HSD17B1: variants seen among roughly 807,000 people sequenced by gnomAD.
HSD17B1 encodes 17-beta-hydroxysteroid dehydrogenase type 1.
Under a neutral mutation model 22.7 loss-of-function variants are expected in HSD17B1, and 16 were observed. That is an observed-to-expected ratio of 0.71 (90% CI 0.48 to 1.07). The LOEUF is 1.07. HSD17B1 is among the 50% of genes least tolerant of loss of function. HSD17B1 has a pLI of 0.00. For synonymous variants in HSD17B1, 243 were observed against 211.0 expected (o/e 1.15, Z -1.31); for missense variants, 533 against 459.9 (o/e 1.16, Z -1.45).
chr17:42,554,699 C>G lies in HSD17B1; in HGVS notation c.748C>G (p.Pro250Ala). ...VFLTALRAPK[P>A]TLRYFTTERF... ...CCTCACCGCTTTGCGCGCCCCGAAG[C>G]CGACCCTGCGCTACTTCACCACCGA... The change falls in exon 6 of 6, where the codon CCG becomes GCG. Residue 250 changes from proline (P) to alanine (A), a missense_variant. Pro to Ala is a conservative substitution (Grantham distance 27). Transcript: ENST00000585807. The G allele has an allele frequency of 6.2e-7, 1 of 1,603,680 alleles. No individual in the cohort carries two copies. Among genetic ancestry groups the G allele is most frequent in the Non-Finnish European group, 8.5e-7 (1 of 1,179,626 alleles).
intron 4 of HSD17B1, chr17:42,554,167 A>G: frequency 1.5e-6 from 1 of 674,768 alleles, no homozygotes; most frequent in Non-Finnish European, 2.5e-6. Flanking sequence ...CTAGATTCGA[A>G]TCCTGACACC....
rs150450030 is a variant in HSD17B1, at chr17:42,553,582, C to T, written c.409C>T (p.Arg137Cys). ...LPDMKRRGSG[R>C]VLVTGSVGGL... is the part of the protein sequence containing the mutation. ...AGACATGAAGAGGCGCGGTTCGGGA[C>T]GCGTGTTGGTGACCGGGAGCGTGGG... The change falls in exon 3 of 6, where the codon CGC becomes TGC. Residue 137 changes from arginine (R) to cysteine (C), a missense_variant. Arg to Cys is a radical substitution (Grantham distance 180). Coordinates refer to ENST00000585807, the MANE Select transcript of HSD17B1 (RefSeq NM_000413.4). The T allele has an allele frequency of 1.2e-5, 19 of 1,611,690 alleles. No homozygotes were observed. In the African/African-American group the frequency reaches 2.0e-4, roughly 17 times the overall value.
chr17:42,554,813 G>A lies in HSD17B1; in HGVS notation c.862G>A (p.Val288Ile). Residue 288 changes from valine (V) to isoleucine (I), a missense_variant, in exon 6 of 6, where the codon GTT (valine) becomes ATT (isoleucine). Physicochemically the swap from Val to Ile is conservative, Grantham distance 29. Transcript: ENST00000585807. ...TAMHREVFGD[V>I]PAKAEAGAEA... ...CATGCACCGGGAAGTGTTCGGCGACGTTCCGGCAAAGGCCGAGGCTGGGGC... is the reference window on the plus strand; with the variant it reads ...CATGCACCGGGAAGTGTTCGGCGACATTCCGGCAAAGGCCGAGGCTGGGGC... 6.2e-7 allele frequency: 1 copy of A among 1,601,108 alleles called. No individual in the cohort carries two copies. Among genetic ancestry groups the A allele is most frequent in the Non-Finnish European group, 8.5e-7 (1 of 1,179,592 alleles).
In HSD17B1 at chr17:42,553,515, G is replaced by A. The variant is rs746549659; in HGVS notation, c.342G>A (p.Val114=). Residue 114 remains valine, a synonymous_variant, in exon 3 of 6, where the codon GTG becomes GTA. Transcript: ENST00000585807. Reference sequence around the variant, plus strand: ...ACGCCGTGGCCTCTGTGCTGGACGTGAATGTAGTAGGGACTGTGCGGATGC... The same window carrying A: ...ACGCCGTGGCCTCTGTGCTGGACGTAAATGTAGTAGGGACTGTGCGGATGC... The part of the protein sequence containing the change: ...GEDAVASVLD[V]NVVGTVRMLQ... 3.2e-5 allele frequency: 52 copies of A among 1,613,942 alleles called. No homozygotes were observed. The highest frequency in any genetic ancestry group is 1.6e-4 in the Middle Eastern group (1 of 6,066).
At chr17:42,553,418 T>C in intron 2 of HSD17B1, 21 bp from the exon 3 acceptor site, 1 of 1,610,114 alleles carries the variant, frequency 6.2e-7, no homozygotes, top group South Asian at 1.1e-5. Flanking sequence ...GGCGGGCTGG[T>C]CGGGCCTCTT....
At chr17:42,553,725 A>AG in intron 3 of HSD17B1, 69 bp from the exon 4 acceptor site, 1 of 1,594,102 alleles carries the variant, frequency 6.3e-7, no homozygotes, top group South Asian at 1.1e-5. Flanking sequence ...GTCAGCTTGG[A>AG]GGGGCACCGT....
In HSD17B1 at chr17:42,553,284, C is replaced by T. The variant is rs762229140; in HGVS notation, c.258C>T (p.Asp86=). The change falls in exon 2 of 6, where the codon GAC becomes GAT. Residue 86 remains aspartate (D), a synonymous_variant. Coordinates refer to ENST00000585807, the MANE Select transcript of HSD17B1 (RefSeq NM_000413.4). ...ARERVTEGRV[D]VLVCNAGLGL... ...AACGCGTGACTGAGGGCCGCGTGGA[C>T]GTGCTGGGTGAGCCTCCTGGAAGCA... The T allele has an allele frequency of 5.5e-5, 89 of 1,608,086 alleles. 1 individual carries two copies. Among genetic ancestry groups the T allele is most frequent in the Admixed American group, 1.5e-4 (9 of 60,022 alleles).
chr17:42,554,411 C>G lies in HSD17B1; in HGVS notation c.546C>G (p.Ser182Arg). The change falls in exon 5 of 6, where the codon AGC (serine) becomes AGG (arginine). Residue 182 changes from serine (S) to arginine (R), a missense_variant. Transcript: ENST00000585807. ...VLLLPFGVHL[S>R]LIECGPVHTA... ...GTTGCTCTCCGGCCAGCAGCTTGAG[C>G]CTGATCGAGTGCGGCCCAGTGCACA... The G allele has an allele frequency of 1.2e-6, 2 of 1,605,976 alleles. No individual in the cohort carries two copies. Among genetic ancestry groups the G allele is most frequent in the Non-Finnish European group, 1.7e-6 (2 of 1,175,210 alleles).
rs1223161004 is a variant in HSD17B1 at position 42,553,215 on chromosome 17, G to A, written c.189G>A (p.Leu63=). The A allele has an allele frequency of 4.3e-6, 7 of 1,613,614 alleles. No homozygotes were observed. The Admixed American group carries it at 5.0e-5, about 12-fold the overall frequency. ...GCCCTCCGGGATCCCTGGAGACGTTGCAGCTGGACGTAAGGGACTCAAAAT... is the reference window on the plus strand; with the variant it reads ...GCCCTCCGGGATCCCTGGAGACGTTACAGCTGGACGTAAGGGACTCAAAAT... ...LACPPGSLET[L]QLDVRDSKSV... is the part of the protein sequence containing the mutation. Residue 63 remains leucine (L), a synonymous_variant, in exon 2 of 6, where the codon TTG becomes TTA. Coordinates refer to ENST00000585807, the MANE Select transcript of HSD17B1 (RefSeq NM_000413.4).
Position 42,553,106 on chromosome 17 carries a change from C to T in HSD17B1, c.98-18C>T, listed in dbSNP as rs1326074312. ...CCAGAAGGGAAGTCAGATCTTCCTC[C>T]TCTCCCAAAACCTCCAGTGTATGCC... On this transcript the variant is annotated intron_variant, in intron 1 of 5. Coordinates refer to ENST00000585807, the MANE Select transcript of HSD17B1 (RefSeq NM_000413.4). 2 of 1,613,982 alleles carry T rather than the reference C, an allele frequency of 1.2e-6. No individual in the cohort carries two copies. The highest frequency in any genetic ancestry group is 1.7e-6 in the Non-Finnish European group (2 of 1,180,012).
chr17:42,553,506 G>C lies in HSD17B1; in HGVS notation c.333G>C (p.Val111=). ...TGGGGGAGGACGCCGTGGCCTCTGT[G>C]CTGGACGTGAATGTAGTAGGGACTG... is the stretch of plus-strand genomic sequence containing the variant. ...EALGEDAVAS[V]LDVNVVGTVR... is the part of the protein sequence containing the mutation. Residue 111 remains valine, a synonymous_variant, in exon 3 of 6, where the codon GTG becomes GTC. Coordinates refer to ENST00000585807, the MANE Select transcript of HSD17B1 (RefSeq NM_000413.4). 6.2e-7 allele frequency: 1 copy of C among 1,613,994 alleles called. No homozygotes were observed. Among genetic ancestry groups the C allele is most frequent in the Admixed American group, 1.7e-5 (1 of 60,026 alleles).
rs1490386093 is a variant in HSD17B1 at position 42,552,951 on chromosome 17, G to T, written c.18G>T (p.Val6=). The change falls in exon 1 of 6, where the codon GTG becomes GTT. Residue 6 remains valine (V), a synonymous_variant. Transcript: ENST00000585807. ...GTCTCACCATGGCCCGCACCGTGGTGCTCATCACCGGCTGTTCCTCGGGCA... is the reference window on the plus strand; with the variant it reads ...GTCTCACCATGGCCCGCACCGTGGTTCTCATCACCGGCTGTTCCTCGGGCA... MARTV[V]LITGCSSGIG... is the part of the protein sequence containing the mutation. 1 of 1,614,116 alleles carries T rather than the reference G, an allele frequency of 6.2e-7. No individual in the cohort carries two copies. The highest frequency in any genetic ancestry group is 1.1e-5 in the South Asian group (1 of 91,082).
rs371869021 is a variant in HSD17B1, at chr17:42,553,435, G to A, written c.266-4G>A. On this transcript the variant is annotated splice_polypyrimidine_tract_variant and splice_region_variant and intron_variant, in intron 2 of 5. Coordinates refer to ENST00000585807, the MANE Select transcript of HSD17B1 (RefSeq NM_000413.4). ...CGGGCTGGTCGGGCCTCTTGTCTCC[G>A]CAGTGTGTAACGCAGGCCTGGGCCT... 134 of 1,611,784 alleles carry A rather than the reference G, an allele frequency of 8.3e-5. 1 individual carries two copies. Among genetic ancestry groups the A allele is most frequent in the Non-Finnish European group, 1.1e-4 (129 of 1,179,824 alleles).
chr17:42,554,958 C>T lies in HSD17B1; in HGVS notation c.*20C>T, dbSNP rs1325816626. On this transcript the variant is annotated 3_prime_UTR_variant, in exon 6 of 6. Coordinates refer to ENST00000585807, the MANE Select transcript of HSD17B1 (RefSeq NM_000413.4). The stretch of plus-strand genomic sequence containing the variant: ...CAGTAAAGGCTTCCTCAGCCGCTGT[C>T]TCCCGCGCCCTTCTTTGTCCCCTGG... 3 of 1,446,052 alleles carry T rather than the reference C, an allele frequency of 2.1e-6. No homozygotes were observed. The highest frequency in any genetic ancestry group is 2.7e-5 in the Admixed American group (1 of 36,862). The allele number at this position is 1,446,052 out of a possible 1,614,324, so 89.6% of individuals were successfully genotyped here. A position where few individuals can be genotyped will look rare whatever the true frequency, so the allele number is the denominator to read the frequency against.
In HSD17B1 at chr17:42,552,954, C is replaced by G; in HGVS notation, c.21C>G (p.Leu7=). The part of the protein sequence containing the change: MARTVV[L]ITGCSSGIGL... The stretch of plus-strand genomic sequence containing the variant: ...TCACCATGGCCCGCACCGTGGTGCT[C>G]ATCACCGGCTGTTCCTCGGGCATCG... The change falls in exon 1 of 6, where the codon CTC becomes CTG. Residue 7 remains leucine, a synonymous_variant. Coordinates refer to ENST00000585807, the MANE Select transcript of HSD17B1 (RefSeq NM_000413.4). 1 of 1,614,122 alleles carries G rather than the reference C, an allele frequency of 6.2e-7. No individual in the cohort carries two copies. The highest frequency in any genetic ancestry group is 8.5e-7 in the Non-Finnish European group (1 of 1,180,024).
intron 4 of HSD17B1, 23 bp downstream of exon 4, chr17:42,553,910 C>G: frequency 6.3e-7 from 1 of 1,594,520 alleles, no homozygotes; most frequent in Non-Finnish European, 8.6e-7. Context: ...CCCCGTTCCC[C>G]GAACCCTCTT....
At position 42,553,622 on chromosome 17, in the gene HSD17B1, A is replaced by G. The variant is rs756942323; in HGVS notation, c.445+4A>G. On this transcript the variant is annotated splice_donor_region_variant and intron_variant, in intron 3 of 5. Coordinates refer to ENST00000585807, the MANE Select transcript of HSD17B1 (RefSeq NM_000413.4). ...GGGAGCGTGGGAGGATTGATGGGTG[A>G]GTGGTAGGGAGTGGCCTCGGCAGCT... 3.1e-5 allele frequency: 49 copies of G among 1,601,936 alleles called. No homozygotes were observed. Among genetic ancestry groups the G allele is most frequent in the Non-Finnish European group, 3.9e-5 (46 of 1,174,742 alleles).
In HSD17B1 at chr17:42,553,560, C is replaced by G; in HGVS notation, c.387C>G (p.Asp129Glu). Residue 129 changes from aspartate to glutamate, a missense_variant, in exon 3 of 6, where the codon GAC becomes GAG. Asp to Glu is a conservative substitution (Grantham distance 45, BLOSUM62 2). Coordinates refer to ENST00000585807, the MANE Select transcript of HSD17B1 (RefSeq NM_000413.4). ...TVRMLQAFLP[D>E]MKRRGSGRVL... ...GGATGCTGCAGGCCTTCCTGCCAGA[C>G]ATGAAGAGGCGCGGTTCGGGACGCG... The G allele has an allele frequency of 6.2e-7, 1 of 1,613,654 alleles. No individual in the cohort carries two copies. Among genetic ancestry groups the G allele is most frequent in the Non-Finnish European group, 8.5e-7 (1 of 1,179,794 alleles).
chr17:42,554,810 G>C lies in HSD17B1; in HGVS notation c.859G>C (p.Asp287His). ...CGCCATGCACCGGGAAGTGTTCGGC[G>C]ACGTTCCGGCAAAGGCCGAGGCTGG... Reference protein sequence around the residue: ...VTAMHREVFGDVPAKAEAGAE... With the variant: ...VTAMHREVFGHVPAKAEAGAE... The change falls in exon 6 of 6, where the codon GAC becomes CAC. Residue 287 changes from aspartate to histidine, a missense_variant. Coordinates refer to ENST00000585807, the MANE Select transcript of HSD17B1 (RefSeq NM_000413.4). The C allele has an allele frequency of 6.2e-7, 1 of 1,601,332 alleles. No individual in the cohort carries two copies. The highest frequency in any genetic ancestry group is 2.2e-5 in the East Asian group (1 of 44,854).
Sources: allele counts gnomAD v4.1 joint callset, GRCh38; gene constraint gnomAD v4.1.1; transcripts MANE v1.5; gene names NCBI Gene and HGNC (gene_info 2026-07-23, HGNC 2026-07-21).